The following RAB38 variants were observed in gnomAD, a reference collection of about 807,000 sequenced individuals.
The protein encoded by RAB38 is RAB38, member RAS oncogene family.
RAB38 carries 15 observed loss-of-function variants against 18.4 expected under a neutral mutation model. That is an observed-to-expected ratio of 0.82 (90% CI 0.55 to 1.26). The LOEUF (loss-of-function observed/expected upper bound fraction) is 1.26, where lower values mean the gene tolerates loss of function less well. Ranked by LOEUF, RAB38 falls within the 50% of genes most tolerant of loss-of-function variation. RAB38 has a pLI of 0.00. For missense variants in RAB38, 294 were observed against 267.4 expected (o/e 1.10, Z -0.69); for synonymous variants, 101 against 104.4 (o/e 0.97, Z 0.20).
the RAB38 span, among the ~76,000 whole-genome samples, chr11:88,021,962 C>A: frequency 3.4e-4 from 51 of 151,772 alleles, no homozygotes; most frequent in African/African-American, 1.2e-3. Flanking sequence ...AGCCACTGCA[C>A]CTGGCCAAGA....
the RAB38 span, among the ~76,000 whole-genome samples, chr11:87,934,626 A>T: frequency 6.6e-6 from 1 of 152,128 alleles, no homozygotes; most frequent in Non-Finnish European, 1.5e-5. Flanking sequence ...TCTCAAAGGA[A>T]GTGAAGCTTT....
the RAB38 span, among the ~76,000 whole-genome samples, chr11:87,889,215 C>T: frequency 1.3e-5 from 2 of 151,826 alleles, no homozygotes; most frequent in African/African-American, 4.8e-5. Context: ...AAGGTGGGAG[C>T]AGAGGGCCCC....
chr11:87,955,082 C>T, the RAB38 span, among the ~76,000 whole-genome samples: 22 of 152,122 alleles, frequency 1.4e-4, no homozygotes, highest in African/African-American at 5.3e-4. Context: ...AGCTGCAAAG[C>T]AGCTGTGCAT....
the RAB38 span, among the ~76,000 whole-genome samples, chr11:87,936,228 C>A: frequency 2.0e-5 from 3 of 151,862 alleles, no homozygotes; most frequent in Admixed American, 6.6e-5. Flanking sequence ...GTTAGACTTA[C>A]AAGATTTTTT....
the RAB38 span, among the ~76,000 whole-genome samples, chr11:88,064,894 GT>G: frequency 1.3e-5 from 2 of 152,212 alleles, no homozygotes; most frequent in African/African-American, 4.8e-5. Context: ...GAAATAAACA[GT>G]GTTTCTGGTC....
chr11:88,034,948 T>C, the RAB38 span, among the ~76,000 whole-genome samples: 1 of 152,250 alleles, frequency 6.6e-6, no homozygotes, highest in Non-Finnish European at 1.5e-5. Context: ...GCACCAACTT[T>C]ATACTTTCAT....
chr11:88,050,477 T>C, the RAB38 span, among the ~76,000 whole-genome samples: 4 of 152,222 alleles, frequency 2.6e-5, no homozygotes, highest in African/African-American at 9.6e-5. Context: ...GTATGCCTAC[T>C]CATGCACTCA....
chr11:88,082,208 A>G, the RAB38 span, among the ~76,000 whole-genome samples: 1 of 151,860 alleles, frequency 6.6e-6, no homozygotes, highest in Non-Finnish European at 1.5e-5. Context: ...CAATGTTCAT[A>G]ATAGTTTAGA....
At chr11:87,843,764 T>C in the RAB38 span, among the ~76,000 whole-genome samples, 1 of 152,168 alleles carries the variant, frequency 6.6e-6, no homozygotes, top group Non-Finnish European at 1.5e-5. Flanking sequence ...AAACATGATA[T>C]GAAAATGAAG....
the RAB38 span, among the ~76,000 whole-genome samples, chr11:88,026,430 G>T: frequency 6.6e-6 from 1 of 151,608 alleles, no homozygotes; most frequent in Middle Eastern, 3.2e-3. Flanking sequence ...GGGCGTGGTG[G>T]AGGGCACCTG....
intron 2 of RAB38, among the ~76,000 whole-genome samples, chr11:88,120,304 C>A (rs753802979): frequency 2.6e-5 from 4 of 152,196 alleles, no homozygotes; most frequent in Non-Finnish European, 4.4e-5. Flanking sequence ...GGGTCAGAAC[C>A]TGGCTTCTGC....
chr11:88,062,947 A>G, the RAB38 span, among the ~76,000 whole-genome samples: 128 of 152,336 alleles, frequency 8.4e-4, no homozygotes, highest in African/African-American at 2.9e-3. Context: ...TGATGGGATT[A>G]GGGTGGTTTA....
chr11:88,149,927 C>G lies in RAB38; in HGVS notation c.231G>C (p.Arg77Ser), dbSNP rs767112167. 2 of 1,611,352 alleles carry G rather than the reference C, an allele frequency of 1.2e-6. No individual in the cohort carries two copies. The change falls in exon 2 of 3, where the codon AGG becomes AGC. Residue 77 changes from arginine (R) to serine (S), a missense_variant. Arg to Ser is a moderately radical substitution (Grantham distance 110). Transcript: ENST00000243662. ...CACCCATAGCTTCTCGGTAATAGACCCTCGTCATGTTTCCAAATCTTTCTT... is the reference window on the plus strand; with the variant it reads ...CACCCATAGCTTCTCGGTAATAGACGCTCGTCATGTTTCCAAATCTTTCTT... ...AGQERFGNMT[R>S]VYYREAMGAF...
chr11:87,955,614 C>T, the RAB38 span, among the ~76,000 whole-genome samples: 93 of 152,112 alleles, frequency 6.1e-4, no homozygotes, highest in African/African-American at 2.2e-3. Context: ...TAACTATAAG[C>T]CAAACTTAAA....
the RAB38 span, among the ~76,000 whole-genome samples, chr11:88,021,334 T>G: frequency 1.3e-5 from 2 of 152,064 alleles, no homozygotes; most frequent in Non-Finnish European, 2.9e-5. Flanking sequence ...TTGAAAAGTC[T>G]AGATGAAATA....
chr11:87,909,705 G>A, the RAB38 span, among the ~76,000 whole-genome samples: 1 of 151,676 alleles, frequency 6.6e-6, no homozygotes, highest in East Asian at 1.9e-4. Context: ...TATTCTTCTG[G>A]TTTCTTTTAT....
the RAB38 span, among the ~76,000 whole-genome samples, chr11:87,977,345 ATATAT>A: frequency 5.3e-5 from 6 of 112,618 alleles, no homozygotes; most frequent in Admixed American, 1.0e-4. Context: ...TTATAAAATT[ATATAT>A]TATATAAGTA....
the RAB38 span, among the ~76,000 whole-genome samples, chr11:87,951,024 A>C: frequency 3.9e-5 from 6 of 152,302 alleles, no homozygotes; most frequent in South Asian, 1.2e-3. Flanking sequence ...CAGGTACACC[A>C]ATCAGACATA....
At chr11:87,948,187 C>G in the RAB38 span, among the ~76,000 whole-genome samples, 4 of 152,196 alleles carry the variant, frequency 2.6e-5, no homozygotes, top group South Asian at 6.2e-4. Flanking sequence ...CATGATTTGG[C>G]TCTCTGTTTG....
Sources: gnomAD v4.1 joint callset for allele counts (sites outside exome capture counted in the v4.1 genomes callset) on GRCh38, gnomAD v4.1.1 for gene constraint, MANE v1.5 for transcripts, NCBI Gene and HGNC (gene_info 2026-07-23, HGNC 2026-07-21) for gene names.